PXDNL: variants seen among roughly 807,000 people sequenced by gnomAD.
PXDNL encodes probable oxidoreductase PXDNL.
PXDNL carries 145 observed loss-of-function variants against 150.8 expected under a neutral mutation model. The observed-to-expected ratio is 0.96, with a 90% CI of 0.84 to 1.10. The LOEUF is 1.10. Among genes scored for constraint, PXDNL ranks in the 50% least tolerant of loss-of-function variants. The pLI is 0.00. For synonymous variants in PXDNL, 757 were observed against 725.7 expected (o/e 1.04, Z -0.69); for missense variants, 2,087 against 1,873.9 (o/e 1.11, Z -2.10).
chr8:51,441,817 G>C (rs1051718358), intron 12 of PXDNL, among the ~76,000 whole-genome samples: 15 of 152,274 alleles, frequency 9.9e-5, no homozygotes, highest in Non-Finnish European at 2.1e-4. Context: ...TCTAAGAGGA[G>C]GTAAGATTGG....
intron 19 of PXDNL, 43 bp from the exon 20 acceptor site, chr8:51,345,990 G>C (rs115947796): frequency 8.5e-7 from 1 of 1,171,502 alleles, no homozygotes; most frequent in Non-Finnish European, 1.3e-6. Flanking sequence ...TGTGAGATGC[G>C]ATGTCATGAT....
chr8:51,761,516 G>A (rs763094976), intron 1 of PXDNL, among the ~76,000 whole-genome samples: 4 of 152,042 alleles, frequency 2.6e-5, no homozygotes, highest in Admixed American at 6.6e-5. Flanking sequence ...ATGCCTCACC[G>A]TATTTATGTA....
chr8:51,578,003 AAGGAAGGAAGGAAGGAAGGAAGG>A (rs1813116914), intron 3 of PXDNL, among the ~76,000 whole-genome samples: 6 of 62,884 alleles, frequency 9.5e-5, no homozygotes, highest in South Asian at 5.5e-4. Context: ...AAGAAAGAGG[AAGGAAGGAAGGAAGGAAGGAAGG>A]AAGGAAGGAA....
intron 1 of PXDNL, among the ~76,000 whole-genome samples, chr8:51,676,189 G>C: frequency 6.6e-6 from 1 of 151,938 alleles, no homozygotes. Flanking sequence ...TGCTCCACTT[G>C]CATCTTCTAA....
rs553279148 is a variant in PXDNL at position 51,676,283 on chromosome 8, C to CTT, written c.165-21525_165-21524dup. Among the ~76,000 whole-genome samples, 154 of 147,236 alleles carry CTT rather than the reference C, an allele frequency of 1.0e-3. 1 individual carries two copies. The highest frequency in any genetic ancestry group is 3.5e-3 in the African/African-American group (143 of 40,392). ...CTGTGGTTCTCCCAGGATGTATTCA[C>CTT]TTTTTTTTTTTGAGATGGAATCTTG... On this transcript the variant is annotated intron_variant, in intron 1 of 22. Coordinates refer to ENST00000356297, the MANE Select transcript of PXDNL (RefSeq NM_144651.5).
At chr8:51,640,359 T>C (rs1219410789) in intron 2 of PXDNL, among the ~76,000 whole-genome samples, 3 of 152,058 alleles carry the variant, frequency 2.0e-5, no homozygotes, top group African/African-American at 7.2e-5. Context: ...GCCAGGGCAA[T>C]TAGGCAGGAG....
chr8:51,394,860 G>A (rs78091678), intron 17 of PXDNL, among the ~76,000 whole-genome samples: 3,431 of 152,194 alleles, frequency 0.023, 135 homozygotes, highest in African/African-American at 0.077. Flanking sequence ...ATCCAACAAA[G>A]GCACTTGATT....
At chr8:51,453,410 G>T (rs1405434787) in intron 10 of PXDNL, 109 bp downstream of exon 10, 2 of 1,149,422 alleles carry the variant, frequency 1.7e-6, no homozygotes, top group Admixed American at 2.5e-5. Flanking sequence ...AAAATAATTG[G>T]CAAATAAAAA....
intron 2 of PXDNL, among the ~76,000 whole-genome samples, chr8:51,639,246 G>C (rs1814683725): frequency 6.6e-6 from 1 of 152,156 alleles, no homozygotes; most frequent in African/African-American, 2.4e-5. Context: ...ACAAGAGAAA[G>C]CAAGAAAGAT....
Position 51,447,143 on chromosome 8 carries a change from T to G in PXDNL, c.1386A>C (p.Glu462Asp). 1 of 1,613,784 alleles carries G rather than the reference T, an allele frequency of 6.2e-7. No homozygotes were observed. The highest frequency in any genetic ancestry group is 8.5e-7 in the Non-Finnish European group (1 of 1,179,784). ...WTKTGGQLPV[E>D]GQHTVLSSGT... is the part of the protein sequence containing the mutation. ...CAGAGGAGAGAACTGTATGCTGGCC[T>G]TCCACAGGGAGCTGCCCTCCTGCAA... Residue 462 changes from glutamate to aspartate, a missense_variant, in exon 12 of 23, where the codon GAA (glutamate) becomes GAC (aspartate). Transcript: ENST00000356297.
intron 5 of PXDNL, among the ~76,000 whole-genome samples, chr8:51,486,928 G>T (rs1004889565): frequency 6.8e-6 from 1 of 146,176 alleles, no homozygotes; most frequent in East Asian, 2.2e-4. Flanking sequence ...AGCCTCCCAA[G>T]TAGCTACAGG....
chr8:51,658,932 C>T (rs966407551), intron 1 of PXDNL, among the ~76,000 whole-genome samples: 4 of 152,072 alleles, frequency 2.6e-5, no homozygotes, highest in Non-Finnish European at 4.4e-5. Context: ...CAAATTTTTG[C>T]AACATTATTT....
intron 4 of PXDNL, among the ~76,000 whole-genome samples, chr8:51,507,259 G>C (rs937646237): frequency 6.6e-6 from 1 of 152,152 alleles, no homozygotes; most frequent in East Asian, 1.9e-4. Flanking sequence ...GATAAAGAAA[G>C]GTTATACAAA....
At position 51,548,407 on chromosome 8, in the gene PXDNL, A is replaced by G. The variant is rs1812410016; in HGVS notation, c.380+8433T>C. On this transcript the variant is annotated intron_variant, in intron 4 of 22. Transcript: ENST00000356297. ...ATAGTTATCATGTTATCTAAATTCAAGATGAAGGGAAAAATCTTAAGAGTT... is the reference window on the plus strand; with the variant it reads ...ATAGTTATCATGTTATCTAAATTCAGGATGAAGGGAAAAATCTTAAGAGTT... Among the ~76,000 whole-genome samples the G allele has an allele frequency of 5.3e-5, 8 of 152,336 alleles. 1 individual carries two copies. In the South Asian group the frequency reaches 1.7e-3, roughly 32 times the overall value.
At chr8:51,614,141 A>G (rs571751936) in intron 2 of PXDNL, among the ~76,000 whole-genome samples, 2 of 152,224 alleles carry the variant, frequency 1.3e-5, no homozygotes, top group Non-Finnish European at 2.9e-5. Flanking sequence ...GAATTATAGA[A>G]TCTAAGAATC....
At chr8:51,705,832 TGC>T (rs10589855) in intron 1 of PXDNL, among the ~76,000 whole-genome samples, 5,090 of 149,600 alleles carry the variant, frequency 0.034, 265 homozygotes, top group African/African-American at 0.11. Flanking sequence ...TGTGTGTGTG[TGC>T]GCGCGCGCGC....
At chr8:51,541,904 T>A (rs1323013121) in intron 4 of PXDNL, among the ~76,000 whole-genome samples, 2 of 152,208 alleles carry the variant, frequency 1.3e-5, no homozygotes, top group African/African-American at 4.8e-5. Context: ...CGAGTTTTTT[T>A]AAGCAGAATA....
At chr8:51,513,147 G>C (rs1010356235) in intron 4 of PXDNL, among the ~76,000 whole-genome samples, 6 of 152,232 alleles carry the variant, frequency 3.9e-5, no homozygotes, top group Admixed American at 3.3e-4. Flanking sequence ...TTGAAGACCT[G>C]GTTGCAGAGG....
chr8:51,410,882 A>T (rs1477693653), intron 16 of PXDNL, among the ~76,000 whole-genome samples: 1 of 152,232 alleles, frequency 6.6e-6, no homozygotes, highest in African/African-American at 2.4e-5. Flanking sequence ...AAGTAAATTC[A>T]CTGAATGATT....
Sources: gnomAD v4.1 joint callset for allele counts (sites outside exome capture counted in the v4.1 genomes callset) on GRCh38, gnomAD v4.1.1 for gene constraint, MANE v1.5 for transcripts, NCBI Gene and HGNC (gene_info 2026-07-23, HGNC 2026-07-21) for gene names.